DGKH: variants seen among roughly 807,000 people sequenced by gnomAD.
DGKH encodes the protein diacylglycerol kinase eta.
DGKH carries 90 observed loss-of-function variants against 159.3 expected under a neutral mutation model. That is an observed-to-expected ratio of 0.57 (90% confidence interval 0.48 to 0.67). DGKH has a LOEUF of 0.67. Among genes scored for constraint, DGKH ranks in the 30% least tolerant of loss-of-function variants. The pLI, the probability that DGKH is intolerant of heterozygous loss-of-function variation, is 0.00. For synonymous variants in DGKH, 536 were observed against 553.8 expected (o/e 0.97, Z 0.45); for missense variants, 1,181 against 1,506.1 (o/e 0.78, Z 3.57).
At chr13:42,111,688 A>C (rs1954865696) in intron 1 of DGKH, among the ~76,000 whole-genome samples, 1 of 152,274 alleles carries the variant, frequency 6.6e-6, no homozygotes, top group Non-Finnish European at 1.5e-5. Flanking sequence ...ACAAAATAAT[A>C]AAGATATTTG....
intron 1 of DGKH, among the ~76,000 whole-genome samples, chr13:42,096,234 C>T (rs910713161): frequency 1.3e-5 from 2 of 151,846 alleles, no homozygotes; most frequent in African/African-American, 4.8e-5. Context: ...AATTTTTTAA[C>T]CCCTCCCCAC....
chr13:42,178,048 A>G (rs1289677194), intron 12 of DGKH, 87 bp from the exon 13 acceptor site: 6 of 903,968 alleles, frequency 6.6e-6, no homozygotes, highest in Middle Eastern at 4.5e-4. Flanking sequence ...AACATATGTC[A>G]TGAAGGGTTC....
At chr13:42,243,150 G>A (rs1958546390), downstream of DGKH, among the ~76,000 whole-genome samples, 1 of 152,106 alleles carries the variant, frequency 6.6e-6, no homozygotes, top group Non-Finnish European at 1.5e-5. Context: ...GATCCCTCAT[G>A]TTTCCCTTTT....
downstream of DGKH, among the ~76,000 whole-genome samples, chr13:42,247,027 G>C (rs564102650): frequency 4.1e-4 from 62 of 152,078 alleles, no homozygotes; most frequent in South Asian, 0.011. Context: ...AAAACTTCCT[G>C]TCGCCCAGTT....
intron 3 of DGKH, among the ~76,000 whole-genome samples, chr13:42,144,100 G>C (rs750525585): frequency 1.3e-5 from 2 of 152,192 alleles, no homozygotes; most frequent in African/African-American, 2.4e-5. Context: ...GAGCTCTGAA[G>C]AGTTTTAATA....
At chr13:42,098,478 C>T (rs980861228) in intron 1 of DGKH, among the ~76,000 whole-genome samples, 1 of 145,352 alleles carries the variant, frequency 6.9e-6, no homozygotes, top group Non-Finnish European at 1.5e-5. Context: ...CAGAGCGAGA[C>T]TCTGTCTCAA....
At chr13:42,040,760 C>T (rs1183055420) in intron 1 of DGKH, among the ~76,000 whole-genome samples, 1 of 147,860 alleles carries the variant, frequency 6.8e-6, no homozygotes, top group Non-Finnish European at 1.5e-5. Flanking sequence ...GGAGCCGGGG[C>T]GGCGGCGGCG....
chr13:42,173,098 A>G (rs562920253), intron 11 of DGKH, among the ~76,000 whole-genome samples: 3 of 152,256 alleles, frequency 2.0e-5, no homozygotes, highest in South Asian at 4.2e-4. Context: ...CAGCAATCCA[A>G]GTAGCTGGGA....
At chr13:42,053,693 A>G (rs1881540001) in intron 1 of DGKH, among the ~76,000 whole-genome samples, 2 of 151,474 alleles carry the variant, frequency 1.3e-5, no homozygotes, top group African/African-American at 4.8e-5. Context: ...ATCTCGGCTC[A>G]CTGCAACCTC....
intron 3 of DGKH, among the ~76,000 whole-genome samples, chr13:42,143,505 T>C (rs1594086958): frequency 6.6e-6 from 1 of 152,224 alleles, no homozygotes; most frequent in Admixed American, 6.5e-5. Flanking sequence ...TCTGGTAGAA[T>C]TCAGCTGTGA....
intron 1 of DGKH, among the ~76,000 whole-genome samples, chr13:42,126,933 C>A (rs765159711): frequency 1.3e-5 from 2 of 152,212 alleles, no homozygotes; most frequent in African/African-American, 2.4e-5. Flanking sequence ...ATACTATACA[C>A]CATGCACTAA....
intron 29 of DGKH, among the ~76,000 whole-genome samples, chr13:42,250,002 G>T (rs1301572253): frequency 7.4e-5 from 11 of 148,046 alleles, no homozygotes; most frequent in Non-Finnish European, 1.5e-4. Flanking sequence ...ATGGAGTCTT[G>T]CTCTGTTGCC....
chr13:42,048,189 G>C (rs1426408826), upstream of DGKH, among the ~76,000 whole-genome samples: 1 of 152,170 alleles, frequency 6.6e-6, no homozygotes, highest in African/African-American at 2.4e-5. This position sits in a 1 kb window ranked among gnomAD's most constrained non-coding sequence, Gnocchi z 6.7. Flanking sequence ...CTTTTATTCA[G>C]CTGGAACCGC....
chr13:42,086,500 A>G (rs539238833), intron 1 of DGKH, among the ~76,000 whole-genome samples: 41 of 152,312 alleles, frequency 2.7e-4, no homozygotes, highest in African/African-American at 9.4e-4. Context: ...TCTAACATAT[A>G]TCTTCCAACT....
chr13:42,058,389 T>TAG (rs1454838817), intron 1 of DGKH, among the ~76,000 whole-genome samples: 4 of 152,210 alleles, frequency 2.6e-5, no homozygotes, highest in Admixed American at 6.5e-5. Context: ...AGTGAGGACT[T>TAG]ACTGAATACA....
intron 1 of DGKH, among the ~76,000 whole-genome samples, chr13:42,093,635 A>C (rs1566097484): frequency 1.3e-5 from 2 of 152,348 alleles, no homozygotes; most frequent in Non-Finnish European, 2.9e-5. Context: ...CGAATGGGTA[A>C]AGAAAATGTG....
At chr13:42,182,318 C>T (rs762525196) in intron 13 of DGKH, among the ~76,000 whole-genome samples, 5 of 152,212 alleles carry the variant, frequency 3.3e-5, no homozygotes, top group Non-Finnish European at 7.3e-5. Flanking sequence ...CAACATTTTG[C>T]CATCTGCTTC....
upstream of DGKH, among the ~76,000 whole-genome samples, chr13:42,044,645 G>A (rs1880704627): frequency 6.6e-6 from 1 of 152,148 alleles, no homozygotes; most frequent in Non-Finnish European, 1.5e-5. Flanking sequence ...TTTACGACAC[G>A]ATTGGGAGAT....
chr13:42,206,158 G>C lies in DGKH; in HGVS notation c.2601+12G>C. ...CTAAAGAGGATGATGTAAGTAATGG[G>C]AGTAAATAGTTTGTTTCCTCAAAAA... is the stretch of plus-strand genomic sequence containing the variant. On this transcript the variant is annotated intron_variant, in intron 21 of 29. Transcript: ENST00000337343. 1 of 1,375,202 alleles carries C rather than the reference G, an allele frequency of 7.3e-7. No individual in the cohort carries two copies. The highest frequency in any genetic ancestry group is 9.5e-7 in the Non-Finnish European group (1 of 1,048,508). 85.2% of individuals were successfully genotyped at this position (1,375,202 alleles called of 1,614,324 possible).
Sources: allele counts gnomAD v4.1 joint callset (sites outside exome capture counted in the v4.1 genomes callset), GRCh38; gene constraint gnomAD v4.1.1; non-coding constraint Gnocchi (gnomAD v3.1); transcripts MANE v1.5; gene names NCBI Gene and HGNC (gene_info 2026-07-23, HGNC 2026-07-21).